BCL11B: variants seen among roughly 807,000 people sequenced by gnomAD.
BCL11B encodes the protein BCL11 transcription factor B, also known as B-cell lymphoma/leukemia 11B.
BCL11B carries 8 observed loss-of-function variants against 49.9 expected under a neutral mutation model. That is an observed-to-expected ratio of 0.16 (90% CI 0.09 to 0.29). The LOEUF (loss-of-function observed/expected upper bound fraction) is 0.29. Ranked by LOEUF, BCL11B falls within the 10% of genes least tolerant of loss-of-function variation. The probability of loss-of-function intolerance (pLI) is 1.00; values close to 1 mark genes in which losing one functional copy is unlikely to be tolerated. For synonymous variants in BCL11B, 739 were observed against 637.4 expected (o/e 1.16, Z -2.40); for missense variants, 1,006 against 1,351.0 (o/e 0.74, Z 4.00).
At chr14:99,219,199 T>C (rs1336525637) in intron 3 of BCL11B, among the ~76,000 whole-genome samples, 1 of 152,016 alleles carries the variant, frequency 6.6e-6, no homozygotes, top group Non-Finnish European at 1.5e-5. Context: ...TATGCCACCA[T>C]TCTTGGCTAA....
rs745844345 is a variant in BCL11B at position 99,205,678 on chromosome 14, T to C, written c.640+25667A>G. ...GCTTTGTGGAATGAGGTCAGGAATA[T>C]GTAAATAAACAAACAGAGTACGTGG... On this transcript the variant is annotated intron_variant, in intron 3 of 3. Transcript: ENST00000357195. The surrounding 1 kb of genome is among the most constrained non-coding windows in gnomAD (Gnocchi z 5.0). 3.9e-5 allele frequency among the ~76,000 whole-genome samples: 6 copies of C among 152,052 alleles called. No homozygotes were observed. The highest frequency in any genetic ancestry group is 1.2e-4 in the African/African-American group (5 of 41,384).
intron 3 of BCL11B, among the ~76,000 whole-genome samples, chr14:99,217,747 C>T (rs1371560023): frequency 6.6e-6 from 1 of 152,176 alleles, no homozygotes; most frequent in Admixed American, 6.5e-5. Flanking sequence ...TCCTCAAATG[C>T]ATGCTCAGAC....
In BCL11B at chr14:99,228,076, C is replaced by T. The variant is rs1042076011; in HGVS notation, c.640+3269G>A. On this transcript the variant is annotated intron_variant, in intron 3 of 3. Transcript: ENST00000357195. This position sits in a 1 kb window ranked among gnomAD's most constrained non-coding sequence, Gnocchi z 4.8. ...ATCCTTCTATAAATAACTGCAGATGCGGTAACAGGCACGCAATTAACCTGT... is the reference window on the plus strand; with the variant it reads ...ATCCTTCTATAAATAACTGCAGATGTGGTAACAGGCACGCAATTAACCTGT... 6.6e-6 allele frequency among the ~76,000 whole-genome samples: 1 copy of T among 152,164 alleles called. No homozygotes were observed. Among genetic ancestry groups the T allele is most frequent in the Non-Finnish European group, 1.5e-5 (1 of 68,034 alleles).
At chr14:99,212,169 G>C (rs1054403839) in intron 3 of BCL11B, among the ~76,000 whole-genome samples, 2 of 152,168 alleles carry the variant, frequency 1.3e-5, no homozygotes, top group African/African-American at 4.8e-5. Context: ...TGAGCACTGG[G>C]GGGGCTAGAG....
chr14:99,190,099 C>T (rs1475373842), intron 3 of BCL11B, among the ~76,000 whole-genome samples: 3 of 152,248 alleles, frequency 2.0e-5, no homozygotes, highest in African/African-American at 2.4e-5. Flanking sequence ...TGCAATGACA[C>T]CTGGCACCCG....
intron 3 of BCL11B, among the ~76,000 whole-genome samples, chr14:99,225,848 G>A (rs1441444549): frequency 1.3e-5 from 2 of 152,220 alleles, no homozygotes; most frequent in African/African-American, 2.4e-5. Flanking sequence ...ATTTGCTGGG[G>A]CCTCTTTTAT....
At chr14:99,178,500 C>G (rs11627229) in intron 3 of BCL11B, among the ~76,000 whole-genome samples, 56,747 of 151,996 alleles carry the variant, frequency 0.37, 11,206 homozygotes, top group East Asian at 0.45. Context: ...CACCACAGCC[C>G]TCCTGCTCTG....
At chr14:99,256,322 G>A (rs375284691) in intron 2 of BCL11B, among the ~76,000 whole-genome samples, 126 of 152,256 alleles carry the variant, frequency 8.3e-4, no homozygotes, top group Admixed American at 9.8e-4. Flanking sequence ...GAAGTGCCAC[G>A]GGCAAAAGAC....
chr14:99,206,407 A>C (rs1887534548), intron 3 of BCL11B, among the ~76,000 whole-genome samples: 1 of 152,192 alleles, frequency 6.6e-6, no homozygotes, highest in Non-Finnish European at 1.5e-5. Context: ...CAAAAATATT[A>C]AATGGAAAAT....
intron 1 of BCL11B, among the ~76,000 whole-genome samples, chr14:99,268,082 T>A (rs1005265958): frequency 6.6e-6 from 1 of 152,194 alleles, no homozygotes; most frequent in Non-Finnish European, 1.5e-5. Flanking sequence ...TGTTTTTTTA[T>A]TAATAGCTGT....
chr14:99,229,565 G>C (rs1215147321), intron 3 of BCL11B, among the ~76,000 whole-genome samples: 3 of 152,288 alleles, frequency 2.0e-5, no homozygotes, highest in East Asian at 1.9e-4. Context: ...ACAGCTCCTG[G>C]TCAGCACCAT....
chr14:99,190,263 C>T (rs551984799), intron 3 of BCL11B, among the ~76,000 whole-genome samples: 1 of 152,158 alleles, frequency 6.6e-6, no homozygotes, highest in Admixed American at 6.5e-5. Flanking sequence ...CCAAAGCGGG[C>T]AGATCACGAG....
chr14:99,202,790 G>A (rs570363756), intron 3 of BCL11B, among the ~76,000 whole-genome samples: 44 of 152,306 alleles, frequency 2.9e-4, no homozygotes, highest in African/African-American at 9.9e-4. Context: ...ACCTGGAGCC[G>A]GTAGAACAAG....
rs2139892917 is a variant in BCL11B at position 99,231,953 on chromosome 14, C to T, written c.428-396G>A. Among the ~76,000 whole-genome samples the T allele has an allele frequency of 6.6e-6, 1 of 152,196 alleles. No individual in the cohort carries two copies. The highest frequency in any genetic ancestry group is 1.5e-5 in the Non-Finnish European group (1 of 67,970). ...GATTTGTTTCCAAAACTTCGGGCTA[C>T]CCCTCCCTGGAAGAGCTGGGAAGCT... On this transcript the variant is annotated intron_variant, in intron 2 of 3. Transcript: ENST00000357195. This position sits in a 1 kb window ranked among gnomAD's most constrained non-coding sequence, Gnocchi z 8.1.
At position 99,174,748 on chromosome 14, in the gene BCL11B, C is replaced by T. The variant is rs1375416322; in HGVS notation, c.2088G>A (p.Leu696=). 2 of 1,520,050 alleles carry T rather than the reference C, an allele frequency of 1.3e-6. No homozygotes were observed. Among genetic ancestry groups the T allele is most frequent in the Admixed American group, 2.0e-5 (1 of 50,518 alleles). 94.2% of individuals were successfully genotyped at this position (1,520,050 alleles called of 1,614,324 possible). A position where few individuals can be genotyped will look rare whatever the true frequency, so the allele number is the denominator to read the frequency against. Residue 696 remains leucine (L), a synonymous_variant, in exon 4 of 4, where the codon CTG becomes CTA. Transcript: ENST00000357195. The part of the protein sequence containing the change: ...KRIKVEKDLE[L]PPAALIPSEN... The stretch of plus-strand genomic sequence containing the variant: ...CGGACGGGATGAGCGCGGCGGGCGG[C>T]AGCTCCAGGTCCTTCTCCACCTTGA...
chr14:99,231,306 T>C lies in BCL11B; in HGVS notation c.640+39A>G. 2 of 1,592,914 alleles carry C rather than the reference T, an allele frequency of 1.3e-6. No individual in the cohort carries two copies. Among genetic ancestry groups the C allele is most frequent in the South Asian group, 1.1e-5 (1 of 88,654 alleles). On this transcript the variant is annotated intron_variant, in intron 3 of 3. Transcript: ENST00000357195. This position sits in a 1 kb window ranked among gnomAD's most constrained non-coding sequence, Gnocchi z 8.1. ...GCGCTGCCCATGGCACACCCCGCCA[T>C]CCCGGGGGCCCGCCCCCCACCGCGG...
intron 2 of BCL11B, among the ~76,000 whole-genome samples, chr14:99,239,064 T>A (rs953643008): frequency 6.6e-6 from 1 of 152,194 alleles, no homozygotes; most frequent in African/African-American, 2.4e-5. Flanking sequence ...CTTGCGCGCA[T>A]CCAACCAGAG....
rs1460581209 is a variant in BCL11B, at chr14:99,257,375, C to T, written c.427+96G>A. On this transcript the variant is annotated intron_variant, in intron 2 of 3. Transcript: ENST00000357195. The surrounding 1 kb of genome is among the most constrained non-coding windows in gnomAD (Gnocchi z 6.2). ...GGTGGCCCAGAGGCCATCCTGGAAG[C>T]CCCTGGGCCTTCCCCTGCACCAGCA... The T allele has an allele frequency of 6.8e-6, 10 of 1,460,838 alleles. No homozygotes were observed. The highest frequency in any genetic ancestry group is 9.1e-6 in the Non-Finnish European group (10 of 1,095,836). The allele number at this position is 1,460,838 out of a possible 1,614,324, so 90.5% of individuals were successfully genotyped here. A position where few individuals can be genotyped will look rare whatever the true frequency, so the allele number is the denominator to read the frequency against.
intron 2 of BCL11B, among the ~76,000 whole-genome samples, chr14:99,256,468 C>A (rs1034748817): frequency 6.6e-6 from 1 of 152,214 alleles, no homozygotes; most frequent in Non-Finnish European, 1.5e-5. Flanking sequence ...TTTGAACACT[C>A]GTCTGCATAA....
Sources: gnomAD v4.1 joint callset for allele counts (sites outside exome capture counted in the v4.1 genomes callset) on GRCh38, gnomAD v4.1.1 for gene constraint, Gnocchi (gnomAD v3.1) non-coding constraint, MANE v1.5 for transcripts, NCBI Gene and HGNC (gene_info 2026-07-23, HGNC 2026-07-21) for gene names.